NXPE2: variants seen among roughly 807,000 people sequenced by gnomAD.
NXPE2 encodes the protein neurexophilin and PC-esterase domain family member 2.
NXPE2 carries 34 observed loss-of-function variants against 34.4 expected under a neutral mutation model. The ratio of observed to expected loss-of-function variants is 0.99; its 90% CI spans 0.75 to 1.31. The LOEUF is 1.31. NXPE2 is among the 40% of genes most tolerant of loss of function. The probability of loss-of-function intolerance (pLI) is 0.00; values close to 1 mark genes in which losing one functional copy is unlikely to be tolerated. For missense variants in NXPE2, 649 were observed against 672.5 expected (o/e 0.97, Z 0.39); for synonymous variants, 235 against 231.3 (o/e 1.02, Z -0.15).
the NXPE2 span, among the ~76,000 whole-genome samples, chr11:114,489,806 G>A: frequency 6.6e-6 from 1 of 152,180 alleles, no homozygotes; most frequent in Non-Finnish European, 1.5e-5. Context: ...ACAAGACACG[G>A]ATGCCCTCTC....
At chr11:114,540,522 G>A in the NXPE2 span, among the ~76,000 whole-genome samples, 1 of 152,152 alleles carries the variant, frequency 6.6e-6, no homozygotes, top group African/African-American at 2.4e-5. Flanking sequence ...AACTAGTATG[G>A]AATGGGTGCG....
chr11:114,733,949 T>A, the NXPE2 span, among the ~76,000 whole-genome samples: 3 of 152,236 alleles, frequency 2.0e-5, no homozygotes, highest in East Asian at 3.8e-4. Flanking sequence ...CCTTTTTGTG[T>A]TACAGGTCTT....
chr11:114,636,737 G>A, the NXPE2 span, among the ~76,000 whole-genome samples: 44 of 152,148 alleles, frequency 2.9e-4, 1 homozygote, highest in African/African-American at 9.4e-4. Context: ...AGTCATTCAG[G>A]AGCAGGTTGT....
intron 2 of NXPE2, among the ~76,000 whole-genome samples, chr11:114,695,686 T>G (rs1027242374): frequency 6.6e-6 from 1 of 152,010 alleles, no homozygotes; most frequent in East Asian, 1.9e-4. Context: ...ACAGCGACTG[T>G]CAGAATGTAT....
the NXPE2 span, among the ~76,000 whole-genome samples, chr11:114,607,879 T>A: frequency 1.3e-5 from 2 of 151,976 alleles, no homozygotes; most frequent in African/African-American, 4.8e-5. Context: ...TGGTGGATAG[T>A]AAGTACTGCC....
chr11:114,616,330 G>A, the NXPE2 span, among the ~76,000 whole-genome samples: 2 of 125,894 alleles, frequency 1.6e-5, no homozygotes. Context: ...TGTAACCACT[G>A]TTACCTGATG....
the NXPE2 span, among the ~76,000 whole-genome samples, chr11:114,590,842 G>A: frequency 6.6e-6 from 1 of 152,188 alleles, no homozygotes; most frequent in Non-Finnish European, 1.5e-5. Flanking sequence ...CCCACACAAT[G>A]TAGCAGGATT....
chr11:114,691,831 T>G (rs1398898819), intron 2 of NXPE2, among the ~76,000 whole-genome samples: 1 of 152,088 alleles, frequency 6.6e-6, no homozygotes, highest in Non-Finnish European at 1.5e-5. Flanking sequence ...CCAAGGAAAG[T>G]GGGGTCTGCC....
At chr11:114,559,965 G>C in the NXPE2 span, 1 of 152,308 alleles carries the variant, frequency 6.6e-6, no homozygotes, top group Non-Finnish European at 1.5e-5. Context: ...GATTTGAAGA[G>C]GCAATAAACA....
the NXPE2 span, among the ~76,000 whole-genome samples, chr11:114,775,387 G>T: frequency 3.3e-4 from 50 of 152,292 alleles, no homozygotes; most frequent in South Asian, 9.8e-3. Context: ...AGTTGTTAGG[G>T]GGGGCAAGAG....
the NXPE2 span, among the ~76,000 whole-genome samples, chr11:114,777,716 T>C: frequency 2.6e-5 from 4 of 152,204 alleles, no homozygotes; most frequent in African/African-American, 9.6e-5. Context: ...CGTGTGAGCA[T>C]AGTACAGTGA....
At chr11:114,810,729 C>T in the NXPE2 span, among the ~76,000 whole-genome samples, 2 of 152,162 alleles carry the variant, frequency 1.3e-5, no homozygotes, top group East Asian at 1.9e-4. Flanking sequence ...AACACTTTCA[C>T]ATTGTTGGTG....
chr11:114,579,335 G>A, the NXPE2 span, among the ~76,000 whole-genome samples: 2 of 152,190 alleles, frequency 1.3e-5, no homozygotes, highest in African/African-American at 4.8e-5. Context: ...CACCTCCAGT[G>A]TTGGAGATCA....
intron 3 of NXPE2, 117 bp from the exon 4 acceptor site, chr11:114,703,874 A>G (rs779444825): frequency 1.4e-6 from 1 of 735,512 alleles, no homozygotes; most frequent in Non-Finnish European, 2.3e-6. Context: ...TCTTAAATAT[A>G]TCAAAATAAG....
chr11:114,587,651 G>A, the NXPE2 span, among the ~76,000 whole-genome samples: 1 of 152,166 alleles, frequency 6.6e-6, no homozygotes, highest in Non-Finnish European at 1.5e-5. Flanking sequence ...AGGGCTCAGG[G>A]CGCCAAGGAG....
chr11:114,488,955 C>T, the NXPE2 span, among the ~76,000 whole-genome samples: 3 of 152,006 alleles, frequency 2.0e-5, no homozygotes, highest in East Asian at 3.9e-4. Flanking sequence ...AATTGATAGA[C>T]CGCTAGCAAG....
At position 114,706,414 on chromosome 11, in the gene NXPE2, T is replaced by C; in HGVS notation, c.1164T>C (p.His388=). 1 of 1,539,902 alleles carries C rather than the reference T, an allele frequency of 6.5e-7. No homozygotes were observed. The highest frequency in any genetic ancestry group is 8.8e-7 in the Non-Finnish European group (1 of 1,142,240). The part of the protein sequence containing the change: ...KAVKTLKYFD[H]HGAGIFKTHV... Reference sequence around the variant, plus strand: ...CATCAGCCCTAAAATATTTTGATCATCATGGAGCTGGGATCTTTAAAACAC... The same window carrying C: ...CATCAGCCCTAAAATATTTTGATCACCATGGAGCTGGGATCTTTAAAACAC... The change falls in exon 6 of 6, where the codon CAT becomes CAC. Residue 388 remains histidine (H), a synonymous_variant. Coordinates refer to ENST00000389586, the MANE Select transcript of NXPE2 (RefSeq NM_182495.6).
the NXPE2 span, among the ~76,000 whole-genome samples, chr11:114,781,441 G>C: frequency 6.6e-6 from 1 of 152,212 alleles, no homozygotes; most frequent in Non-Finnish European, 1.5e-5. Context: ...AGGGTGATGG[G>C]ATTTAGACAG....
the NXPE2 span, among the ~76,000 whole-genome samples, chr11:114,755,762 CTT>C: frequency 1.1e-4 from 15 of 135,306 alleles, no homozygotes; most frequent in Admixed American, 1.1e-3. Context: ...CTCTCTCTCT[CTT>C]TCTCCTATCT....
Sources: gnomAD v4.1 joint callset for allele counts (sites outside exome capture counted in the v4.1 genomes callset) on GRCh38, gnomAD v4.1.1 for gene constraint, MANE v1.5 for transcripts, NCBI Gene and HGNC (gene_info 2026-07-23, HGNC 2026-07-21) for gene names.